Variants in CNBD2 observed in about 807,000 individuals in gnomAD.
The protein encoded by CNBD2 is cyclic nucleotide binding domain containing 2, also known as cyclic nucleotide-binding domain-containing protein 2.
CNBD2 carries 64 observed loss-of-function variants against 63.7 expected under a neutral mutation model. That is an observed-to-expected ratio of 1.00 (90% CI 0.82 to 1.24). The LOEUF is 1.24. Ranked by LOEUF, CNBD2 falls within the 50% of genes most tolerant of loss-of-function variation. The probability of loss-of-function intolerance (pLI) is 0.00; values close to 1 mark genes in which losing one functional copy is unlikely to be tolerated. For missense variants in CNBD2, 691 were observed against 713.5 expected, an observed-to-expected ratio of 0.97 and a Z score of 0.36; for synonymous variants, 229 against 255.4, an observed-to-expected ratio of 0.90 and a Z score of 0.99.
intron 7 of CNBD2, among the ~76,000 whole-genome samples, chr20:35,992,829 G>T (rs566089261): frequency 1.7e-4 from 21 of 126,844 alleles, no homozygotes; most frequent in Non-Finnish European, 1.7e-4. Context: ...TTTTTTTCCT[G>T]CCTGGCCAGC....
rs141786321 is a variant in CNBD2, at chr20:36,021,748, T to G, written c.1270-1854T>G. 6.1e-4 allele frequency among the ~76,000 whole-genome samples: 93 copies of G among 152,334 alleles called. 1 individual carries two copies. Among genetic ancestry groups the G allele is most frequent in the African/African-American group, 2.1e-3 (89 of 41,576 alleles). ...CAGCAACAAGGATTCTAGTCCTGGC[T>G]CTGCCTGTCCCAGGTGTCTCCTTAA... On this transcript the variant is annotated intron_variant, in intron 10 of 11. Coordinates refer to ENST00000373973, the MANE Select transcript of CNBD2 (RefSeq NM_001365709.1).
chr20:36,007,702 T>C (rs1426913274), intron 8 of CNBD2, among the ~76,000 whole-genome samples: 2 of 152,166 alleles, frequency 1.3e-5, no homozygotes, highest in Non-Finnish European at 2.9e-5. Flanking sequence ...CTTTAATTTA[T>C]TGTAGAGATG....
intron 8 of CNBD2, 46 bp downstream of exon 8, chr20:35,995,198 TC>T: frequency 7.5e-7 from 1 of 1,335,772 alleles, no homozygotes; most frequent in East Asian, 2.3e-5. Context: ...CCTGGGCCTG[TC>T]CTGTTTCCAG....
chr20:35,975,471 T>TA, intron 2 of CNBD2, among the ~76,000 whole-genome samples: 1 of 124,048 alleles, frequency 8.1e-6, no homozygotes, highest in South Asian at 2.7e-4. Context: ...CGGCTAATTT[T>TA]TTGTATTTTT....
intron 10 of CNBD2, among the ~76,000 whole-genome samples, chr20:36,014,076 A>C (rs1184268620): frequency 1.3e-5 from 2 of 150,898 alleles, no homozygotes; most frequent in Non-Finnish European, 2.9e-5. Flanking sequence ...CCAGCTACTC[A>C]GGAGGCTGAG....
intron 1 of CNBD2, among the ~76,000 whole-genome samples, chr20:35,970,502 T>TAGGATTGCAGGCATGAG (rs2056397510): frequency 6.6e-6 from 1 of 152,076 alleles, no homozygotes. Context: ...GTTCAAGTGC[T>TAGGATTGCAGGCATGAG]CCTGGTGCCT....
rs1555815457 is a variant in CNBD2 at position 36,022,189 on chromosome 20, T to TTTTTTTC, written c.1270-1408_1270-1407insTCTTTTT. On this transcript the variant is annotated intron_variant, in intron 10 of 11. Transcript: ENST00000373973. ...ATCACCATGCCCGGCTAATTCTTTT[T>TTTTTTTC]TTTTTCTTTTTTTTTTTTTTTTTTT... Among the ~76,000 whole-genome samples the TTTTTTTC allele has an allele frequency of 5.8e-4, 71 of 121,600 alleles. 1 individual carries two copies. The highest frequency in any genetic ancestry group is 2.2e-3 in the Admixed American group (26 of 12,022). The allele number at this position is 121,600 out of a possible 152,430, so 79.8% of individuals were successfully genotyped here. A position where few individuals can be genotyped will look rare whatever the true frequency, so the allele number is the denominator to read the frequency against.
chr20:36,013,460 T>C (rs1438934487), intron 10 of CNBD2, among the ~76,000 whole-genome samples: 1 of 152,034 alleles, frequency 6.6e-6, no homozygotes, highest in East Asian at 1.9e-4. Flanking sequence ...GGTTAGTGGA[T>C]CTGAGGAAGG....
chr20:35,975,398 T>C, intron 2 of CNBD2, among the ~76,000 whole-genome samples: 1 of 112,496 alleles, frequency 8.9e-6, no homozygotes, highest in Non-Finnish European at 1.9e-5. Context: ...CCTCCCGGGT[T>C]CACGCCATTC....
upstream of CNBD2, among the ~76,000 whole-genome samples, chr20:35,968,412 T>G (rs2147188515): frequency 6.6e-6 from 1 of 152,270 alleles, no homozygotes; most frequent in Middle Eastern, 3.4e-3. Context: ...TTTAGCTACT[T>G]TGAGCCCCAG....
chr20:35,972,764 G>A lies in CNBD2; in HGVS notation c.187G>A (p.Asp63Asn). 6.2e-7 allele frequency: 1 copy of A among 1,614,126 alleles called. No homozygotes were observed. The highest frequency in any genetic ancestry group is 8.5e-7 in the Non-Finnish European group (1 of 1,180,012). ...GAAGCACCCTATCTTCTCCTTCTGG[G>A]ATGTAAGCAGTTGGGCTCAGCAGGA... ...HWKHPIFSFWDKKMQSRVTFD... is the reference protein window; with the variant it reads ...HWKHPIFSFWNKKMQSRVTFD... Residue 63 changes from aspartate to asparagine, a missense_variant and splice_region_variant, in exon 2 of 12, where the codon GAT becomes AAT. By Grantham distance (23) the Asp-to-Asn change is conservative. Coordinates refer to ENST00000373973, the MANE Select transcript of CNBD2 (RefSeq NM_001365709.1).
At chr20:35,954,666 G>A (rs2056232332), upstream of CNBD2, 1 of 1,228,856 alleles carries the variant, frequency 8.1e-7, no homozygotes, top group Non-Finnish European at 1.1e-6. Context: ...CTGAGCGCCA[G>A]TTCGAGGAGG....
At chr20:35,954,519 G>T, upstream of CNBD2, 2 of 1,528,030 alleles carry the variant, frequency 1.3e-6, no homozygotes, top group Non-Finnish European at 1.8e-6. Context: ...GTCGGCGCGC[G>T]AGCACCCGGA....
chr20:35,955,662 C>T (rs1345404477), downstream of CNBD2, among the ~76,000 whole-genome samples: 3 of 152,200 alleles, frequency 2.0e-5, no homozygotes, highest in Non-Finnish European at 1.5e-5. Flanking sequence ...ACTTACCTCT[C>T]AGAGGTAATT....
chr20:35,987,862 T>G lies in CNBD2; in HGVS notation c.855+329T>G, dbSNP rs192533693. Reference sequence around the variant, plus strand: ...GATGCCAGATCACTTTTAAATTTATTTATTTATTTATTTATTTATTTTGAG... The same window carrying G: ...GATGCCAGATCACTTTTAAATTTATGTATTTATTTATTTATTTATTTTGAG... On this transcript the variant is annotated intron_variant, in intron 7 of 11. Coordinates refer to ENST00000373973, the MANE Select transcript of CNBD2 (RefSeq NM_001365709.1). Among the ~76,000 whole-genome samples, 105 of 152,204 alleles carry G rather than the reference T, an allele frequency of 6.9e-4. 1 individual carries two copies. The highest frequency in any genetic ancestry group is 1.2e-3 in the Non-Finnish European group (84 of 68,016).
At chr20:35,960,124 C>A (rs2056294639), downstream of CNBD2, among the ~76,000 whole-genome samples, 1 of 152,166 alleles carries the variant, frequency 6.6e-6, no homozygotes, top group Non-Finnish European at 1.5e-5. Context: ...AAGCTGTAAT[C>A]CCAAAAGAGG....
At position 35,990,627 on chromosome 20, in the gene CNBD2, C is replaced by CA. The variant is rs1466477143; in HGVS notation, c.855+3101dup. ...TGGGCAACAGAATGAGACTCCATCTCAAAAAAATAAAATAAATAAAAACAA... is the reference window on the plus strand; with the variant it reads ...TGGGCAACAGAATGAGACTCCATCTCAAAAAAAATAAAATAAATAAAAACAA... On this transcript the variant is annotated intron_variant, in intron 7 of 11. Transcript: ENST00000373973. 2.0e-5 allele frequency among the ~76,000 whole-genome samples: 3 copies of CA among 150,110 alleles called. No individual in the cohort carries two copies. In the East Asian group the frequency reaches 5.9e-4, roughly 30 times the overall value.
intron 8 of CNBD2, among the ~76,000 whole-genome samples, chr20:36,000,253 T>C (rs1324160909): frequency 6.6e-6 from 1 of 151,546 alleles, no homozygotes; most frequent in Non-Finnish European, 1.5e-5. Flanking sequence ...AGTTGACAGG[T>C]TTTTTCTTTC....
intron 7 of CNBD2, among the ~76,000 whole-genome samples, chr20:35,991,336 T>C (rs1367686812): frequency 1.3e-5 from 2 of 152,200 alleles, no homozygotes; most frequent in African/African-American, 2.4e-5. Flanking sequence ...CAGGCATATG[T>C]TTTTTAGGAG....
Sources: allele counts gnomAD v4.1 joint callset (sites outside exome capture counted in the v4.1 genomes callset), GRCh38; gene constraint gnomAD v4.1.1; transcripts MANE v1.5; gene names NCBI Gene and HGNC (gene_info 2026-07-23, HGNC 2026-07-21).